Variants in BAIAP3 observed in about 807,000 individuals in gnomAD.
BAIAP3 encodes the protein BAI1-associated protein 3.
In BAIAP3, 180 loss-of-function variants were observed where a neutral mutation model predicts 149.7. The observed-to-expected ratio is 1.20, with a 90% CI of 1.07 to 1.36. The LOEUF is 1.36. Ranked by LOEUF, BAIAP3 falls within the 40% of genes most tolerant of loss-of-function variation. BAIAP3 has a pLI of 0.00. For synonymous variants in BAIAP3, 845 were observed against 670.7 expected (o/e 1.26, Z -4.02); for missense variants, 1,767 against 1,563.4 (o/e 1.13, Z -2.20).
chr16:1,334,738 G>C lies in BAIAP3; in HGVS notation c.-11+989G>C, dbSNP rs766690486. 7 of 1,552,626 alleles carry C rather than the reference G, an allele frequency of 4.5e-6. No homozygotes were observed. In the South Asian group the frequency reaches 8.3e-5, roughly 18 times the overall value. ...CTGGGCACCGCCATCGGCTTCGCAG[G>C]GGCCATCTGGAGGAGTCGGTGAGAC... is the stretch of plus-strand genomic sequence containing the variant. On this transcript the variant is annotated intron_variant, in intron 1 of 33. Transcript: ENST00000426824.
rs200094808 is a variant in BAIAP3, at chr16:1,347,688, C to T, written c.2905-13C>T. ...CTCCCAGAGCCCAGCTGCGCTCACC[C>T]GCCTTTCCGCAGAGGACCCTGGAGC... On this transcript the variant is annotated splice_polypyrimidine_tract_variant and intron_variant, in intron 30 of 33. Transcript: ENST00000426824. 428 of 1,611,220 alleles carry T rather than the reference C, an allele frequency of 2.7e-4. 4 individuals carry two copies. The highest frequency in any genetic ancestry group is 5.4e-5 in the Non-Finnish European group (64 of 1,178,786).
At position 1,341,112 on chromosome 16, in the gene BAIAP3, C is replaced by T. The variant is rs745558257; in HGVS notation, c.469-17C>T. ...CAGCTCAGCCTCACCAGGCCCCCCA[C>T]GCCCCTCTGTCCACAGGCCCCCACG... On this transcript the variant is annotated splice_polypyrimidine_tract_variant and intron_variant, in intron 6 of 33. Coordinates refer to ENST00000426824, the MANE Select transcript of BAIAP3 (RefSeq NM_001199097.2). 24 of 1,610,906 alleles carry T rather than the reference C, an allele frequency of 1.5e-5. No individual in the cohort carries two copies. The highest frequency in any genetic ancestry group is 1.3e-4 in the East Asian group (6 of 44,858).
chr16:1,343,928 C>T (rs372747753), intron 15 of BAIAP3, 94 bp from the exon 16 acceptor site: 15 of 1,559,198 alleles, frequency 9.6e-6, no homozygotes, highest in Middle Eastern at 2.2e-4. Context: ...TGACCATGCC[C>T]GGGGAAGGGT....
At chr16:1,343,147 T>A (rs1407448309) in intron 14 of BAIAP3, 131 bp downstream of exon 14, 2 of 1,095,890 alleles carry the variant, frequency 1.8e-6, no homozygotes, top group East Asian at 5.3e-5. Flanking sequence ...GCTGAGTAGG[T>A]GGGGCTGCGC....
At chr16:1,346,793 T>C in intron 27 of BAIAP3, 54 bp from the exon 28 acceptor site, 1 of 374,312 alleles carries the variant, frequency 2.7e-6, no homozygotes, top group Non-Finnish European at 4.0e-6. Flanking sequence ...ATTCTGCAGG[T>C]GGGGCCAGCG....
intron 29 of BAIAP3, 31 bp from the exon 30 acceptor site, chr16:1,347,514 G>GC: frequency 6.7e-7 from 1 of 1,489,040 alleles, no homozygotes; most frequent in Non-Finnish European, 8.9e-7. Context: ...CCAGCACCCA[G>GC]GGGCCCCTCC....
intron 5 of BAIAP3, among the ~76,000 whole-genome samples, chr16:1,340,281 GAC>G (rs775583742): frequency 1.7e-5 from 2 of 118,728 alleles, no homozygotes; most frequent in African/African-American, 6.5e-5. Flanking sequence ...GGTGCACACA[GAC>G]ACACACACAG....
At position 1,342,968 on chromosome 16, in the gene BAIAP3, G is replaced by T; in HGVS notation, c.1217G>T (p.Cys406Phe). The T allele has an allele frequency of 6.2e-7, 1 of 1,611,316 alleles. No homozygotes were observed. Among genetic ancestry groups the T allele is most frequent in the Non-Finnish European group, 8.5e-7 (1 of 1,179,836 alleles). ...AGCACACCAGCCGCCACCATCCTCTGCCTGCACGGAGCCCAGAGCAACCTG... is the reference window on the plus strand; with the variant it reads ...AGCACACCAGCCGCCACCATCCTCTTCCTGCACGGAGCCCAGAGCAACCTG... Reference protein sequence around the residue: ...ELSTPAATILCLHGAQSNLSP... With the variant: ...ELSTPAATILFLHGAQSNLSP... The change falls in exon 14 of 34, where the codon TGC (cysteine) becomes TTC (phenylalanine). Residue 406 changes from cysteine (C) to phenylalanine (F), a missense_variant. Transcript: ENST00000426824.
At chr16:1,346,745 G>A (rs2141613260) in intron 27 of BAIAP3, 61 bp downstream of exon 27, 9 of 1,532,226 alleles carry the variant, frequency 5.9e-6, no homozygotes, top group Middle Eastern at 4.5e-4. Context: ...CCGCCCTGCA[G>A]GGTGCCGGAG....
Position 1,348,550 on chromosome 16 carries a change from G to A in BAIAP3, c.*68G>A. The A allele has an allele frequency of 6.8e-7, 1 of 1,480,278 alleles. No individual in the cohort carries two copies. The highest frequency in any genetic ancestry group is 9.2e-7 in the Non-Finnish European group (1 of 1,085,040). 91.7% of individuals were successfully genotyped at this position (1,480,278 alleles called of 1,614,324 possible). ...TCCCTGAAGCATCCTCCAGCTCACTGTGGCCAGCTTTGTGCAACCAGGGCC... is the reference window on the plus strand; with the variant it reads ...TCCCTGAAGCATCCTCCAGCTCACTATGGCCAGCTTTGTGCAACCAGGGCC... On this transcript the variant is annotated 3_prime_UTR_variant, in exon 34 of 34. Coordinates refer to ENST00000426824, the MANE Select transcript of BAIAP3 (RefSeq NM_001199097.2).
At chr16:1,342,326 C>T (rs554503714) in intron 11 of BAIAP3, 43 bp downstream of exon 11, 23 of 1,584,954 alleles carry the variant, frequency 1.5e-5, no homozygotes, top group African/African-American at 2.7e-5. Flanking sequence ...TAGAGAAGGG[C>T]CTGGGGAGTG....
At chr16:1,334,481 A>C in intron 1 of BAIAP3, 3 of 601,230 alleles carry the variant, frequency 5.0e-6, no homozygotes, top group East Asian at 2.9e-5. Flanking sequence ...GTCGGTGAGC[A>C]GAGGGAGGAG....
intron 22 of BAIAP3, 42 bp downstream of exon 22, chr16:1,345,414 GC>G: frequency 1.9e-6 from 3 of 1,543,650 alleles, no homozygotes; most frequent in Admixed American, 1.9e-5. Context: ...GCTGGTCCAG[GC>G]CCCCAGCCTC....
chr16:1,337,473 G>A (rs1596559608), intron 1 of BAIAP3, among the ~76,000 whole-genome samples: 2 of 152,368 alleles, frequency 1.3e-5, no homozygotes, highest in East Asian at 3.9e-4. Context: ...AGCGGAGACT[G>A]CGCCACTGCA....
Position 1,345,824 on chromosome 16 carries a change from G to A in BAIAP3, c.2142G>A (p.Glu714=), listed in dbSNP as rs2034316531. 1.3e-6 allele frequency: 2 copies of A among 1,581,120 alleles called. No homozygotes were observed. Among genetic ancestry groups the A allele is most frequent in the South Asian group, 2.3e-5 (2 of 86,724 alleles). ...TAGLCLSHIQ[E]LWVRLAWPDP... is the part of the protein sequence containing the mutation. ...GTCTCTGCCTCAGCCACATCCAGGA[G>A]TTGTGGGTGCGCCTGGCGTGGCCTG... The change falls in exon 23 of 34, where the codon GAG becomes GAA. Residue 714 remains glutamate (E), a synonymous_variant. Coordinates refer to ENST00000426824, the MANE Select transcript of BAIAP3 (RefSeq NM_001199097.2).
Position 1,348,571 on chromosome 16 carries a change from G to A in BAIAP3, c.*89G>A. ...CACTGTGGCCAGCTTTGTGCAACCA[G>A]GGCCCACGGCGCCCCTCCTGTGCTG... On this transcript the variant is annotated 3_prime_UTR_variant, in exon 34 of 34. Coordinates refer to ENST00000426824, the MANE Select transcript of BAIAP3 (RefSeq NM_001199097.2). 2 of 1,314,366 alleles carry A rather than the reference G, an allele frequency of 1.5e-6. No homozygotes were observed. The highest frequency in any genetic ancestry group is 2.1e-6 in the Non-Finnish European group (2 of 938,776). 81.4% of individuals were successfully genotyped at this position (1,314,366 alleles called of 1,614,324 possible).
chr16:1,339,325 C>A, intron 4 of BAIAP3, 81 bp downstream of exon 4: 1 of 1,526,526 alleles, frequency 6.6e-7, no homozygotes, highest in East Asian at 2.4e-5. Context: ...ACTGTGTGCA[C>A]AGGGTCTGGT....
intron 8 of BAIAP3, 23 bp from the exon 9 acceptor site, chr16:1,341,799 G>A (rs1596571504): frequency 1.9e-6 from 3 of 1,609,866 alleles, no homozygotes; most frequent in East Asian, 2.2e-5. Flanking sequence ...GGACCCTCAT[G>A]GGCATCTCTG....
chr16:1,340,248 G>A (rs1450995753), intron 5 of BAIAP3, among the ~76,000 whole-genome samples: 1 of 111,764 alleles, frequency 8.9e-6, no homozygotes, highest in Non-Finnish European at 1.8e-5. Context: ...GGTGCACACA[G>A]ACGCATACGC....
Sources: gnomAD v4.1 joint callset for allele counts (sites outside exome capture counted in the v4.1 genomes callset) on GRCh38, gnomAD v4.1.1 for gene constraint, MANE v1.5 for transcripts, NCBI Gene and HGNC (gene_info 2026-07-23, HGNC 2026-07-21) for gene names.